The following METAP1 variants were observed in gnomAD, a reference collection of about 807,000 sequenced individuals.
METAP1 encodes methionyl aminopeptidase 1.
A neutral mutation model predicts 53.8 loss-of-function variants in METAP1; 28 were observed. That is an observed-to-expected ratio of 0.52 (90% CI 0.39 to 0.71). METAP1 has a LOEUF of 0.71. METAP1 is among the 30% of genes least tolerant of loss of function. METAP1 has a pLI of 0.00. For synonymous variants in METAP1, 181 were observed against 165.7 expected, an observed-to-expected ratio of 1.09 and a Z score of -0.71; for missense variants, 389 against 479.8, an observed-to-expected ratio of 0.81 and a Z score of 1.77.
intron 1 of METAP1, chr4:98,997,438 AC>A (rs1257955005): frequency 6.5e-6 from 1 of 154,472 alleles, no homozygotes; most frequent in African/African-American, 2.4e-5. Flanking sequence ...CTCATGTTAG[AC>A]CTAGTACACG....
At chr4:99,041,177 C>A in intron 6 of METAP1, 51 bp downstream of exon 6, 3 of 1,238,498 alleles carry the variant, frequency 2.4e-6, no homozygotes, top group Non-Finnish European at 2.3e-6. Flanking sequence ...TTACTAGATG[C>A]TTTGAACTTA....
chr4:99,022,401 G>T, intron 1 of METAP1: 2 of 753,172 alleles, frequency 2.7e-6, no homozygotes, highest in Non-Finnish European at 2.0e-6. Flanking sequence ...TGTTGGAGTG[G>T]GCCTTGTCCT....
chr4:99,005,895 A>G (rs910712527), intron 1 of METAP1: 5 of 275,526 alleles, frequency 1.8e-5, no homozygotes, highest in Non-Finnish European at 3.7e-5. Context: ...TCGGAGTGGT[A>G]TAATGGACTT....
chr4:99,055,457 C>G (rs1452336951), intron 9 of METAP1, among the ~76,000 whole-genome samples: 2 of 151,132 alleles, frequency 1.3e-5, no homozygotes, highest in African/African-American at 4.9e-5. Flanking sequence ...TAGTGAAATG[C>G]AATAAAACAA....
chr4:99,041,950 A>T (rs1016083702), intron 6 of METAP1, among the ~76,000 whole-genome samples: 1 of 152,076 alleles, frequency 6.6e-6, no homozygotes, highest in South Asian at 2.1e-4. Flanking sequence ...GACGTATCGT[A>T]TGCAATAATA....
chr4:99,021,426 T>C (rs2602832), intron 1 of METAP1, among the ~76,000 whole-genome samples: 46,890 of 152,012 alleles, frequency 0.31, 10,327 homozygotes, highest in East Asian at 0.79. Flanking sequence ...CTGGGGCTGC[T>C]GCAGCAGGGC....
intron 1 of METAP1, among the ~76,000 whole-genome samples, chr4:99,012,734 C>A (rs957383420): frequency 7.0e-6 from 1 of 142,940 alleles, no homozygotes; most frequent in Non-Finnish European, 1.5e-5. Flanking sequence ...GTCTGTGACA[C>A]AGCCTCAGGA....
intron 10 of METAP1, among the ~76,000 whole-genome samples, chr4:99,060,614 C>T (rs1416520592): frequency 2.6e-5 from 4 of 152,124 alleles, no homozygotes; most frequent in African/African-American, 7.2e-5. Context: ...CTGCCCGCCT[C>T]GGCCTCCCAA....
At position 99,054,872 on chromosome 4, in the gene METAP1, A is replaced by G. The variant is rs186433869; in HGVS notation, c.932-2881A>G. ...ACAAACATTTGTTTGCCGTCTTTAC[A>G]TGGGCACAGTTTGTGGTGCTCCAAA... On this transcript the variant is annotated intron_variant, in intron 9 of 10. Transcript: ENST00000296411. Among the ~76,000 whole-genome samples the G allele has an allele frequency of 3.2e-3, 494 of 152,282 alleles. 5 individuals carry two copies. The highest frequency in any genetic ancestry group is 0.011 in the African/African-American group (458 of 41,548).
chr4:99,059,854 C>G (rs1041207888), intron 10 of METAP1, among the ~76,000 whole-genome samples: 9 of 152,098 alleles, frequency 5.9e-5, no homozygotes, highest in African/African-American at 2.2e-4. Context: ...TTCTTATGCT[C>G]TCACACCAGT....
Position 99,035,435 on chromosome 4 carries a change from A to G in METAP1, c.315A>G (p.Arg105=). ...PTRPVPSYIQ[R]PDYADHPLGM... is the part of the protein sequence containing the mutation. Reference sequence around the variant, plus strand: ...GGCCAGTGCCAAGTTATATTCAAAGACCAGATTATGCTGATCATCCCTTAG... The same window carrying G: ...GGCCAGTGCCAAGTTATATTCAAAGGCCAGATTATGCTGATCATCCCTTAG... Residue 105 remains arginine, a synonymous_variant, in exon 4 of 11, where the codon AGA becomes AGG. Coordinates refer to ENST00000296411, the MANE Select transcript of METAP1 (RefSeq NM_015143.3). 6.5e-7 allele frequency: 1 copy of G among 1,548,898 alleles called. No homozygotes were observed. Among genetic ancestry groups the G allele is most frequent in the Non-Finnish European group, 8.7e-7 (1 of 1,144,648 alleles).
At chr4:99,000,992 C>T (rs1181058948) in intron 1 of METAP1, among the ~76,000 whole-genome samples, 1 of 152,090 alleles carries the variant, frequency 6.6e-6, no homozygotes, top group African/African-American at 2.4e-5. Flanking sequence ...GCCACTGCAC[C>T]TGGCTGGAAG....
At chr4:99,010,279 C>T (rs1026265530) in intron 1 of METAP1, among the ~76,000 whole-genome samples, 8 of 152,254 alleles carry the variant, frequency 5.3e-5, no homozygotes, top group Admixed American at 3.9e-4. Context: ...GATGGTGAAA[C>T]CCTTTCTCTA....
intron 10 of METAP1, among the ~76,000 whole-genome samples, chr4:99,058,038 AT>A (rs1370795863): frequency 2.6e-5 from 4 of 152,068 alleles, no homozygotes; most frequent in Admixed American, 6.5e-5. Context: ...AGATGCTGAA[AT>A]GCTTGAATTC....
Position 99,061,199 on chromosome 4 carries a change from CAA to C in METAP1, c.1044_1045del (p.Asp350ArgfsTer8). The C allele has an allele frequency of 3.1e-6, 5 of 1,613,872 alleles. No homozygotes were observed. Among genetic ancestry groups the C allele is most frequent in the Non-Finnish European group, 4.2e-6 (5 of 1,179,840 alleles). On this transcript the variant is annotated frameshift_variant, in exon 11 of 11. Transcript: ENST00000296411. LOFTEE classifies it high-confidence loss of function. ...TGGCCAGATGGTTGGACTGCGGTGA[CAA>C]GAGACGGAAAGCGGTCTGCTCAGTT...
chr4:99,030,865 A>G (rs1045837369), intron 2 of METAP1, among the ~76,000 whole-genome samples: 1 of 151,720 alleles, frequency 6.6e-6, no homozygotes, highest in African/African-American at 2.4e-5. Context: ...CTTTTAATAT[A>G]TTTGACTGGT....
intron 1 of METAP1, among the ~76,000 whole-genome samples, chr4:99,014,253 A>G (rs1195910870): frequency 6.6e-6 from 1 of 152,230 alleles, no homozygotes; most frequent in African/African-American, 2.4e-5. Context: ...TTGATAAAGC[A>G]GTAAGTCCCT....
rs1353056795 is a variant in METAP1, at chr4:99,061,157, G to A, written c.1001G>A (p.Gly334Glu). 1 of 1,611,474 alleles carries A rather than the reference G, an allele frequency of 6.2e-7. No homozygotes were observed. Among genetic ancestry groups the A allele is most frequent in the Non-Finnish European group, 8.5e-7 (1 of 1,178,928 alleles). The change falls in exon 11 of 11, where the codon GGA becomes GAA. Residue 334 changes from glycine (G) to glutamate (E), a missense_variant. Transcript: ENST00000296411. ...AAATTGTTTTTGTTTGTTGAAGGCGGATGGCAGGATGAAACCTGGCCAGAT... is the reference window on the plus strand; with the variant it reads ...AAATTGTTTTTGTTTGTTGAAGGCGAATGGCAGGATGAAACCTGGCCAGAT... ...FTIEPMICEG[G>E]WQDETWPDGW... is the part of the protein sequence containing the mutation.
At chr4:99,015,817 T>G (rs1440979618) in intron 1 of METAP1, among the ~76,000 whole-genome samples, 1 of 152,128 alleles carries the variant, frequency 6.6e-6, no homozygotes, top group Non-Finnish European at 1.5e-5. Context: ...CTAGTTATGT[T>G]AATAATAAAA....
Sources: allele counts gnomAD v4.1 joint callset (sites outside exome capture counted in the v4.1 genomes callset), GRCh38; gene constraint gnomAD v4.1.1; transcripts MANE v1.5; gene names NCBI Gene and HGNC (gene_info 2026-07-23, HGNC 2026-07-21).